The following COL5A2 variants were observed in gnomAD, a reference collection of about 807,000 sequenced individuals.
The protein encoded by COL5A2 is collagen alpha-2(V) chain.
In COL5A2, 23 loss-of-function variants were observed where a neutral mutation model predicts 208.2. That is an observed-to-expected ratio of 0.11 (90% CI 0.08 to 0.16). The LOEUF is 0.16. COL5A2 is among the 10% of genes least tolerant of loss of function. The pLI, the probability that COL5A2 is intolerant of heterozygous loss-of-function variation, is 1.00. For missense variants in COL5A2, 1,590 were observed against 1,956.4 expected, an observed-to-expected ratio of 0.81 and a Z score of 3.53; for synonymous variants, 625 against 628.5, an observed-to-expected ratio of 0.99 and a Z score of 0.08.
At chr2:189,088,893 T>C in intron 7 of COL5A2, 121 bp from the exon 8 acceptor site, 1 of 840,624 alleles carries the variant, frequency 1.2e-6, no homozygotes, top group Non-Finnish European at 2.0e-6. Context: ...AGAATCATTC[T>C]AAGTGCTTGA....
chr2:189,417,482 T>C, the COL5A2 span, among the ~76,000 whole-genome samples: 2 of 152,112 alleles, frequency 1.3e-5, no homozygotes, highest in Non-Finnish European at 2.9e-5. Context: ...GCTTTCATGT[T>C]TCTATATAAA....
rs11296800 is a variant in COL5A2 at position 189,178,709 on chromosome 2, T to TAA, written c.97+797_97+798dup. Among the ~76,000 whole-genome samples, 278 of 118,114 alleles carry TAA rather than the reference T, an allele frequency of 2.4e-3. 4 individuals carry two copies. The highest frequency in any genetic ancestry group is 6.1e-3 in the African/African-American group (190 of 31,096). 77.5% of individuals were successfully genotyped at this position (118,114 alleles called of 152,430 possible). On this transcript the variant is annotated intron_variant, in intron 1 of 53. Transcript: ENST00000374866. ...GTGGTCACCAGGCAAGATTTATCTT[T>TAA]AAAAAAAAAAAAAAAAAAAAGCTTG...
At chr2:189,042,450 C>T (rs1685580825) in intron 49 of COL5A2, among the ~76,000 whole-genome samples, 1 of 152,100 alleles carries the variant, frequency 6.6e-6, no homozygotes, top group Non-Finnish European at 1.5e-5. Flanking sequence ...TTTAAATTAA[C>T]ACAATGTAAC....
chr2:189,131,123 C>T (rs915691588), intron 1 of COL5A2, among the ~76,000 whole-genome samples: 2 of 152,052 alleles, frequency 1.3e-5, no homozygotes, highest in Non-Finnish European at 2.9e-5. Flanking sequence ...CAGGGACAAG[C>T]TCACAAATAA....
the COL5A2 span, among the ~76,000 whole-genome samples, chr2:189,422,796 G>A: frequency 2.0e-5 from 3 of 152,094 alleles, no homozygotes; most frequent in East Asian, 3.9e-4. Context: ...AGGCCAAGGC[G>A]AGCAAATCAC....
the COL5A2 span, among the ~76,000 whole-genome samples, chr2:189,295,267 TTC>T: frequency 6.6e-6 from 1 of 152,114 alleles, no homozygotes; most frequent in Admixed American, 6.5e-5. Flanking sequence ...TGAGAAATGA[TTC>T]TGTTTATCCT....
At chr2:189,309,733 G>A in the COL5A2 span, among the ~76,000 whole-genome samples, 18 of 152,148 alleles carry the variant, frequency 1.2e-4, no homozygotes, top group East Asian at 5.8e-4. Flanking sequence ...CAAGGTTGCC[G>A]CAGACCTTTA....
the COL5A2 span, among the ~76,000 whole-genome samples, chr2:189,305,001 G>T: frequency 2.0e-5 from 3 of 151,958 alleles, no homozygotes; most frequent in Non-Finnish European, 4.4e-5. Flanking sequence ...TCATAAAAAA[G>T]AAAACAAATA....
chr2:189,283,619 A>G, the COL5A2 span, among the ~76,000 whole-genome samples: 6 of 152,048 alleles, frequency 3.9e-5, no homozygotes, highest in African/African-American at 1.2e-4. Context: ...TTGAAACAAA[A>G]AAAAAGGGGG....
intron 1 of COL5A2, among the ~76,000 whole-genome samples, chr2:189,128,484 G>T (rs1286200960): frequency 6.6e-6 from 1 of 151,728 alleles, no homozygotes; most frequent in African/African-American, 2.4e-5. Context: ...AGAGTTTGTT[G>T]TTTTTTGTTT....
chr2:189,088,015 G>A (rs959127057), intron 8 of COL5A2, among the ~76,000 whole-genome samples: 4 of 151,876 alleles, frequency 2.6e-5, no homozygotes, highest in Admixed American at 2.6e-4. Context: ...AGAAGGGGTG[G>A]TTATCTATGA....
At chr2:189,414,391 T>C in the COL5A2 span, among the ~76,000 whole-genome samples, 1 of 152,180 alleles carries the variant, frequency 6.6e-6, no homozygotes, top group Non-Finnish European at 1.5e-5. Context: ...ATATTCAAAA[T>C]AGCAATACTC....
chr2:189,142,417 A>G (rs1014673987), intron 1 of COL5A2, among the ~76,000 whole-genome samples: 1 of 152,102 alleles, frequency 6.6e-6, no homozygotes, highest in South Asian at 2.1e-4. Flanking sequence ...GTGTTTTGTT[A>G]GACTAAAATC....
the COL5A2 span, among the ~76,000 whole-genome samples, chr2:189,239,969 T>C: frequency 6.6e-6 from 1 of 152,114 alleles, no homozygotes; most frequent in Admixed American, 6.6e-5. Flanking sequence ...TGGAAGATAA[T>C]AACTCTGTAC....
the COL5A2 span, among the ~76,000 whole-genome samples, chr2:189,270,475 C>T: frequency 2.0e-5 from 3 of 152,180 alleles, no homozygotes; most frequent in Non-Finnish European, 2.9e-5. Context: ...GCCTTAATTT[C>T]GTTATTTACC....
intron 45 of COL5A2, 101 bp downstream of exon 45, chr2:189,048,108 T>C (rs1685707212): frequency 9.9e-7 from 1 of 1,007,974 alleles, no homozygotes; most frequent in Non-Finnish European, 1.6e-6. Flanking sequence ...AAATCAGAAG[T>C]GTATTGGAAC....
chr2:189,035,902 A>G (rs1685434939), intron 52 of COL5A2, among the ~76,000 whole-genome samples: 1 of 152,124 alleles, frequency 6.6e-6, no homozygotes, highest in Non-Finnish European at 1.5e-5. Flanking sequence ...CAGGCAGTGG[A>G]AAGGCCAGAC....
At chr2:189,437,993 AAAAAATAAAT>A in the COL5A2 span, among the ~76,000 whole-genome samples, 1 of 151,864 alleles carries the variant, frequency 6.6e-6, no homozygotes, top group South Asian at 2.1e-4. Context: ...TTTATTAAAT[AAAAAATAAAT>A]AAAAATAAAA....
chr2:189,251,321 C>A, the COL5A2 span, among the ~76,000 whole-genome samples: 1 of 152,024 alleles, frequency 6.6e-6, no homozygotes, highest in Admixed American at 6.6e-5. Flanking sequence ...GACACTAATA[C>A]TCAAAATGTA....
Sources: allele counts gnomAD v4.1 joint callset (sites outside exome capture counted in the v4.1 genomes callset), GRCh38; gene constraint gnomAD v4.1.1; transcripts MANE v1.5; gene names NCBI Gene and HGNC (gene_info 2026-07-23, HGNC 2026-07-21).